The following PRMT9 variants were observed in gnomAD, a reference collection of about 807,000 sequenced individuals.
The protein encoded by PRMT9 is protein arginine N-methyltransferase 9.
PRMT9 carries 59 observed loss-of-function variants against 83.2 expected under a neutral mutation model. The ratio of observed to expected loss-of-function variants is 0.71; its 90% CI spans 0.57 to 0.88. The LOEUF is 0.88. PRMT9 is among the 40% of genes least tolerant of loss of function. The probability of loss-of-function intolerance (pLI) is 0.00; values close to 1 mark genes in which losing one functional copy is unlikely to be tolerated. For missense variants in PRMT9, 947 were observed against 1,021.9 expected (o/e 0.93, Z 1.00); for synonymous variants, 333 against 353.2 (o/e 0.94, Z 0.64).
chr4:147,669,404 C>T (rs1735586328), intron 5 of PRMT9, among the ~76,000 whole-genome samples: 6 of 151,698 alleles, frequency 4.0e-5, no homozygotes, highest in Admixed American at 3.3e-4. Context: ...ATTTTCATTG[C>T]TATATATGTA....
Position 147,683,884 on chromosome 4 carries a change from CAG to C in PRMT9, c.102_103del (p.His34GlnfsTer41). On this transcript the variant is annotated frameshift_variant, in exon 1 of 12. Transcript: ENST00000322396. LOFTEE classifies it high-confidence loss of function. ...AGTGCCGAAGTCCTGGACGCCCAGA[CAG>C]TGCTCTGCGCTCTGCAAGGACCGCG... The C allele has an allele frequency of 6.2e-7, 1 of 1,613,678 alleles. No homozygotes were observed. The highest frequency in any genetic ancestry group is 1.3e-5 in the African/African-American group (1 of 75,026).
In PRMT9 at chr4:147,683,845, T is replaced by C. The variant is rs1736673785; in HGVS notation, c.143A>G (p.Tyr48Cys). The C allele has an allele frequency of 3.1e-6, 5 of 1,610,500 alleles. No individual in the cohort carries two copies. In the East Asian group the frequency reaches 6.7e-5, roughly 22 times the overall value. Reference sequence around the variant, plus strand: ...CGGCGCCAGGCTGAGCACGAGGAGGTAGTGGGCATAGGCAGTGCCGAAGTC... The same window carrying C: ...CGGCGCCAGGCTGAGCACGAGGAGGCAGTGGGCATAGGCAGTGCCGAAGTC... ...VQDFGTAYAHYLLVLSLAPEL... is the reference protein window; with the variant it reads ...VQDFGTAYAHCLLVLSLAPEL... The change falls in exon 1 of 12, where the codon TAC (tyrosine) becomes TGC (cysteine). Residue 48 changes from tyrosine (Y) to cysteine (C), a missense_variant. Physicochemically the swap from Tyr to Cys is radical, Grantham distance 194. Coordinates refer to ENST00000322396, the MANE Select transcript of PRMT9 (RefSeq NM_138364.4).
intron 9 of PRMT9, among the ~76,000 whole-genome samples, chr4:147,647,837 T>G (rs1733828597): frequency 6.6e-6 from 1 of 152,176 alleles, no homozygotes; most frequent in East Asian, 1.9e-4. Flanking sequence ...CTGCAACTCC[T>G]GCTGTTCTCA....
chr4:147,638,826 A>C, intron 11 of PRMT9, 79 bp from the exon 12 acceptor site: 1 of 1,382,166 alleles, frequency 7.2e-7, no homozygotes, highest in Non-Finnish European at 1.0e-6. Context: ...TTACTTTTAA[A>C]TACAAAAATT....
chr4:147,658,021 T>C (rs1258179118), intron 7 of PRMT9, 46 bp from the exon 8 acceptor site: 1 of 1,270,090 alleles, frequency 7.9e-7, no homozygotes, highest in African/African-American at 1.5e-5. Flanking sequence ...ATATTTCATA[T>C]ATACTTGCCT....
intron 7 of PRMT9, among the ~76,000 whole-genome samples, chr4:147,659,178 C>CAA (rs34005730): frequency 4.3e-5 from 5 of 115,894 alleles, no homozygotes; most frequent in African/African-American, 9.6e-5. Context: ...GAGTCCACCT[C>CAA]AAAAAAAAAA....
chr4:147,656,850 C>G (rs1734541785), intron 8 of PRMT9, among the ~76,000 whole-genome samples: 2 of 146,206 alleles, frequency 1.4e-5, no homozygotes, highest in Admixed American at 6.8e-5. Context: ...CTGGTTTAAA[C>G]TCCTGGCCTC....
At chr4:147,663,365 A>G (rs1735103303) in intron 6 of PRMT9, among the ~76,000 whole-genome samples, 1 of 150,294 alleles carries the variant, frequency 6.7e-6, no homozygotes, top group Admixed American at 6.6e-5. Context: ...AAAAGATGTG[A>G]CAATTTTTTG....
At chr4:147,680,659 T>C (rs1009140200) in intron 1 of PRMT9, among the ~76,000 whole-genome samples, 188 bp from the exon 2 acceptor site, 1 of 152,222 alleles carries the variant, frequency 6.6e-6, no homozygotes, top group Non-Finnish European at 1.5e-5. Context: ...ACCACCTACA[T>C]GGCAATAATA....
chr4:147,658,567 G>C (rs556798237), intron 7 of PRMT9, among the ~76,000 whole-genome samples: 46 of 152,148 alleles, frequency 3.0e-4, no homozygotes, highest in Non-Finnish European at 5.4e-4. Context: ...TAAGATTTGT[G>C]TGTGGCTAAG....
At chr4:147,679,926 A>G (rs771982469) in intron 2 of PRMT9, among the ~76,000 whole-genome samples, 17 of 152,128 alleles carry the variant, frequency 1.1e-4, no homozygotes, top group Non-Finnish European at 2.4e-4. Flanking sequence ...CTCTGATAAG[A>G]TACTTCCCCA....
At chr4:147,642,975 G>T in intron 9 of PRMT9, 35 bp from the exon 10 acceptor site, 1 of 1,603,156 alleles carries the variant, frequency 6.2e-7, no homozygotes, top group Middle Eastern at 1.7e-4. Context: ...AAAAGCTCTT[G>T]GGGCAGGGCG....
chr4:147,654,199 G>A lies in PRMT9; in HGVS notation c.1698C>T (p.Ser566=). The change falls in exon 9 of 12, where the codon AGC becomes AGT. Residue 566 remains serine, a synonymous_variant. Transcript: ENST00000322396. ...CAGTATTACTCTGTCCAGTTCCAGAGCTCATCTCATTCTGACAGTGAGTAT... is the reference window on the plus strand; with the variant it reads ...CAGTATTACTCTGTCCAGTTCCAGAACTCATCTCATTCTGACAGTGAGTAT... The part of the protein sequence containing the change: ...TMDTHCQNEM[S]SGTGQSNTVQ... The A allele has an allele frequency of 6.2e-7, 1 of 1,614,162 alleles. No individual in the cohort carries two copies. The highest frequency in any genetic ancestry group is 8.5e-7 in the Non-Finnish European group (1 of 1,179,990).
chr4:147,659,469 C>T (rs967464409), intron 7 of PRMT9, among the ~76,000 whole-genome samples: 31 of 151,890 alleles, frequency 2.0e-4, no homozygotes, highest in African/African-American at 7.2e-4. Flanking sequence ...CTTCTATCTC[C>T]AAACAGGTTT....
intron 6 of PRMT9, among the ~76,000 whole-genome samples, chr4:147,665,124 C>CAA (rs370245859): frequency 0.027 from 3,181 of 116,588 alleles, 88 homozygotes; most frequent in Admixed American, 0.044. Flanking sequence ...TCTGTCTAAA[C>CAA]AAAAAAAAAA....
chr4:147,655,442 C>T (rs530804168), intron 8 of PRMT9, among the ~76,000 whole-genome samples: 37 of 152,236 alleles, frequency 2.4e-4, no homozygotes, highest in African/African-American at 7.5e-4. Flanking sequence ...GGATTACAGG[C>T]GTGAGCCACT....
intron 1 of PRMT9, among the ~76,000 whole-genome samples, chr4:147,683,159 A>T (rs1352524455): frequency 6.6e-6 from 1 of 152,220 alleles, no homozygotes; most frequent in Non-Finnish European, 1.5e-5. Context: ...ACTTTATTCA[A>T]CTAGAGGCCC....
At chr4:147,682,557 G>A (rs573586494) in intron 1 of PRMT9, among the ~76,000 whole-genome samples, 5 of 152,038 alleles carry the variant, frequency 3.3e-5, no homozygotes, top group East Asian at 1.9e-4. Flanking sequence ...TGATCCACCC[G>A]CCTCCGCCTC....
chr4:147,670,978 TG>T (rs950732449), intron 4 of PRMT9, among the ~76,000 whole-genome samples: 1 of 151,928 alleles, frequency 6.6e-6, no homozygotes, highest in Non-Finnish European at 1.5e-5. Context: ...AGATGGAGGG[TG>T]GGGGGAGGTG....
Sources: gnomAD v4.1 joint callset for allele counts (sites outside exome capture counted in the v4.1 genomes callset) on GRCh38, gnomAD v4.1.1 for gene constraint, MANE v1.5 for transcripts, NCBI Gene and HGNC (gene_info 2026-07-23, HGNC 2026-07-21) for gene names.